DOCK9: variants seen among roughly 807,000 people sequenced by gnomAD.
The protein encoded by DOCK9 is dedicator of cytokinesis protein 9.
A neutral mutation model predicts 263.3 loss-of-function variants in DOCK9; 89 were observed. The ratio of observed to expected loss-of-function variants is 0.34; its 90% CI spans 0.28 to 0.40. DOCK9 has a LOEUF of 0.40. DOCK9 is among the 10% of genes least tolerant of loss of function. The probability of loss-of-function intolerance (pLI) is 1.00; values close to 1 mark genes in which losing one functional copy is unlikely to be tolerated. For missense variants in DOCK9, 2,140 were observed against 2,603.4 expected (o/e 0.82, Z 3.87); for synonymous variants, 976 against 973.1 (o/e 1.00, Z -0.06).
chr13:99,045,865 G>A (rs577422339), intron 1 of DOCK9, among the ~76,000 whole-genome samples: 1 of 152,052 alleles, frequency 6.6e-6, no homozygotes, highest in South Asian at 2.1e-4. Context: ...GGCTGAGGCG[G>A]GCGGATCATG....
At chr13:98,972,790 T>A (rs2141382661) in intron 1 of DOCK9, among the ~76,000 whole-genome samples, 1 of 152,330 alleles carries the variant, frequency 6.6e-6, no homozygotes, top group South Asian at 2.1e-4. Flanking sequence ...AGGGCGGCAT[T>A]AACACTCACT....
chr13:98,871,310 T>C (rs2094179727), intron 27 of DOCK9, among the ~76,000 whole-genome samples: 1 of 152,186 alleles, frequency 6.6e-6, no homozygotes, highest in South Asian at 2.1e-4. Context: ...CTTCTGCACT[T>C]ATTAGAAAAT....
chr13:98,807,704 T>G lies in DOCK9; in HGVS notation c.5471A>C (p.Lys1824Thr). 1 of 1,612,372 alleles carries G rather than the reference T, an allele frequency of 6.2e-7. No individual in the cohort carries two copies. The highest frequency in any genetic ancestry group is 8.5e-7 in the Non-Finnish European group (1 of 1,178,824). Reference sequence around the variant, plus strand: ...CATTTTGACATTTTCAGAACCAAATTTATCCGAGTACAGTTTAAGGAGTCT... The same window carrying G: ...CATTTTGACATTTTCAGAACCAAATGTATCCGAGTACAGTTTAAGGAGTCT... ...SQRLLKLYSD[K>T]FGSENVKMIQ... Residue 1824 changes from lysine (K) to threonine (T), a missense_variant, in exon 48 of 53, where the codon AAA (lysine) becomes ACA (threonine). Around this residue, in one of 2 missense-constraint regions of DOCK9, gnomAD observed 619 missense variants for 861.8 expected, o/e 0.72. Coordinates refer to ENST00000682017, the MANE Select transcript of DOCK9 (RefSeq NM_001366683.2).
At chr13:98,852,549 C>T (rs756941060) in intron 35 of DOCK9, among the ~76,000 whole-genome samples, 15 of 152,094 alleles carry the variant, frequency 9.9e-5, no homozygotes, top group South Asian at 4.1e-4. Context: ...ACACCTCCCG[C>T]CCCCAGATAT....
chr13:99,066,745 G>C (rs1472997472), intron 1 of DOCK9, among the ~76,000 whole-genome samples: 1 of 152,080 alleles, frequency 6.6e-6, no homozygotes, highest in East Asian at 1.9e-4. Flanking sequence ...GCTAATTTTA[G>C]GAGTCCTTAG....
At chr13:98,915,648 C>CG in intron 7 of DOCK9, 145 bp from the exon 8 acceptor site, 1 of 671,426 alleles carries the variant, frequency 1.5e-6, no homozygotes, top group Non-Finnish European at 2.3e-6. Context: ...TCATGAAAGC[C>CG]CCCCCCCATG....
At chr13:98,934,562 A>G (rs1158380750) in intron 2 of DOCK9, among the ~76,000 whole-genome samples, 1 of 152,254 alleles carries the variant, frequency 6.6e-6, no homozygotes, top group African/African-American at 2.4e-5. Flanking sequence ...AACCAAAACA[A>G]GATTGTAAGA....
Position 98,829,109 on chromosome 13 carries a change from C to G in DOCK9, c.4965+198G>C, listed in dbSNP as rs944918221. The stretch of plus-strand genomic sequence containing the variant: ...AATGCTCTTTGTTGACAAAAATAAC[C>G]CCTTACAATTTGTTTTAAATTATTA... On this transcript the variant is annotated intron_variant, in intron 43 of 52. Transcript: ENST00000682017. The surrounding 1 kb of genome is among the most constrained non-coding windows in gnomAD (Gnocchi z 4.1). Among the ~76,000 whole-genome samples the G allele has an allele frequency of 1.3e-5, 2 of 152,046 alleles. No homozygotes were observed. Among genetic ancestry groups the G allele is most frequent in the Non-Finnish European group, 2.9e-5 (2 of 68,010 alleles).
chr13:99,076,046 T>C (rs2041897606), intron 1 of DOCK9, among the ~76,000 whole-genome samples: 1 of 152,090 alleles, frequency 6.6e-6, no homozygotes, highest in Admixed American at 6.5e-5. Context: ...AAAGTTCTGA[T>C]CAGACAGTAA....
At chr13:98,878,001 T>C (rs1712424975) in intron 27 of DOCK9, among the ~76,000 whole-genome samples, 1 of 152,188 alleles carries the variant, frequency 6.6e-6, no homozygotes, top group South Asian at 2.1e-4. Flanking sequence ...CACTTCCGAA[T>C]ATGGCTGCAC....
intron 39 of DOCK9, chr13:98,833,222 A>AAAAAAAAAT (rs1555352145): frequency 1.4e-5 from 2 of 146,652 alleles, no homozygotes; most frequent in Non-Finnish European, 3.0e-5. Flanking sequence ...AAAAAAAAAA[A>AAAAAAAAAT]GATTTCCAGT....
intron 33 of DOCK9, 111 bp from the exon 34 acceptor site, chr13:98,856,142 AAGTTGGCTCAAG>A: frequency 8.6e-7 from 1 of 1,165,440 alleles, no homozygotes; most frequent in Non-Finnish European, 1.2e-6. Context: ...TTCTGTTAGG[AAGTTGGCTCAAG>A]AGTTGCATTC....
intron 27 of DOCK9, among the ~76,000 whole-genome samples, chr13:98,874,185 C>A (rs762773919): frequency 1.3e-5 from 2 of 152,210 alleles, no homozygotes; most frequent in Non-Finnish European, 2.9e-5. Context: ...GGCTGCTCTG[C>A]GCTCTGTAGT....
intron 1 of DOCK9, among the ~76,000 whole-genome samples, chr13:99,022,517 G>A (rs1435384942): frequency 6.6e-6 from 1 of 152,196 alleles, no homozygotes; most frequent in Non-Finnish European, 1.5e-5. Flanking sequence ...AAAGGAAGTG[G>A]AAACAACCAG....
chr13:98,904,099 T>TA (rs2048738938), intron 10 of DOCK9, among the ~76,000 whole-genome samples: 1 of 152,218 alleles, frequency 6.6e-6, no homozygotes, highest in Non-Finnish European at 1.5e-5. Context: ...ACCGTACACT[T>TA]AAAAATGGTT....
chr13:99,068,042 C>G (rs772169621), intron 1 of DOCK9, among the ~76,000 whole-genome samples: 5 of 152,102 alleles, frequency 3.3e-5, no homozygotes, highest in African/African-American at 4.8e-5. Flanking sequence ...AGCCCATAAT[C>G]TTCAACCCCC....
intron 47 of DOCK9, 96 bp from the exon 48 acceptor site, chr13:98,807,903 A>G: frequency 9.4e-7 from 1 of 1,065,422 alleles, no homozygotes; most frequent in Non-Finnish European, 1.3e-6. Context: ...AAAAAAAGGA[A>G]TGGGTCTAAA....
At position 98,879,917 on chromosome 13, in the gene DOCK9, A is replaced by G; in HGVS notation, c.2924T>C (p.Ile975Thr). The G allele has an allele frequency of 1.2e-6, 2 of 1,608,862 alleles. No homozygotes were observed. Among genetic ancestry groups the G allele is most frequent in the South Asian group, 1.1e-5 (1 of 89,600 alleles). The change falls in exon 27 of 53, where the codon ATA (isoleucine) becomes ACA (threonine). Residue 975 changes from isoleucine to threonine, a missense_variant. Physicochemically the swap from Ile to Thr is moderately conservative, Grantham distance 89. Transcript: ENST00000682017. ...VLIKSMAQHL[I>T]ENSKVKLLRN... ...ACATACCTTAACTTTGGAGTTCTCT[A>G]TCAAATGCTGAGCCATAGATTTGAT...
At chr13:98,923,173 C>T (rs1282124192) in intron 5 of DOCK9, 129 bp downstream of exon 5, 17 of 806,784 alleles carry the variant, frequency 2.1e-5, no homozygotes, top group Non-Finnish European at 3.5e-5. Context: ...AAATTATTCC[C>T]GTTTCATGTA....
Sources: allele counts gnomAD v4.1 joint callset (sites outside exome capture counted in the v4.1 genomes callset), GRCh38; gene constraint gnomAD v4.1.1; regional missense constraint gnomAD v4.1.1; non-coding constraint Gnocchi (gnomAD v3.1); transcripts MANE v1.5; gene names NCBI Gene and HGNC (gene_info 2026-07-23, HGNC 2026-07-21).